EMP2: variants seen among roughly 807,000 people sequenced by gnomAD.
The protein encoded by EMP2 is epithelial membrane protein 2.
Under a neutral mutation model 13.7 loss-of-function variants are expected in EMP2, and 19 were observed. The ratio of observed to expected loss-of-function variants is 1.38; its 90% CI spans 0.97 to 2.03. The LOEUF is 2.03. Ranked by LOEUF, EMP2 falls within the 30% of genes most tolerant of loss-of-function variation. The pLI, the probability that EMP2 is intolerant of heterozygous loss-of-function variation, is 0.00. For missense variants in EMP2, 253 were observed against 220.7 expected (o/e 1.15, Z -0.93); for synonymous variants, 97 against 84.7 (o/e 1.15, Z -0.80).
chr16:10,574,360 C>T (rs191517884), intron 1 of EMP2, among the ~76,000 whole-genome samples: 5 of 152,194 alleles, frequency 3.3e-5, no homozygotes, highest in East Asian at 1.9e-4. Context: ...AATAATGCTC[C>T]GTGAGCATCC....
At chr16:10,579,708 GCACACA>G (rs71133370) in intron 1 of EMP2, among the ~76,000 whole-genome samples, 46,215 of 146,658 alleles carry the variant, frequency 0.32, 7,880 homozygotes, top group South Asian at 0.44. Context: ...AGATCAAGGT[GCACACA>G]CACACACACA....
At chr16:10,568,407 AG>A (rs1182234141) in intron 1 of EMP2, among the ~76,000 whole-genome samples, 1 of 152,212 alleles carries the variant, frequency 6.6e-6, no homozygotes, top group Non-Finnish European at 1.5e-5. Context: ...GTGTATTCAC[AG>A]GTGCCTCTCA....
At chr16:10,569,143 G>A (rs1323301157) in intron 1 of EMP2, among the ~76,000 whole-genome samples, 2 of 152,042 alleles carry the variant, frequency 1.3e-5, no homozygotes, top group South Asian at 2.1e-4. Flanking sequence ...AAATTCATTC[G>A]AAGCCTGCAC....
chr16:10,553,504 C>T (rs1055174821), intron 1 of EMP2, among the ~76,000 whole-genome samples: 18 of 152,068 alleles, frequency 1.2e-4, no homozygotes, highest in African/African-American at 4.3e-4. Context: ...TTCTCCTGGG[C>T]ATGGCTGCTC....
chr16:10,562,463 T>C (rs1318222395), intron 1 of EMP2, among the ~76,000 whole-genome samples: 2 of 151,272 alleles, frequency 1.3e-5, no homozygotes, highest in South Asian at 2.1e-4. Flanking sequence ...GAAGATAAGA[T>C]GCCACTTGGA....
chr16:10,564,747 C>T (rs1480677838), intron 1 of EMP2, among the ~76,000 whole-genome samples: 3 of 152,090 alleles, frequency 2.0e-5, no homozygotes, highest in Admixed American at 6.6e-5. Flanking sequence ...ACCACCAGGG[C>T]AGCCTCCAGG....
intron 1 of EMP2, among the ~76,000 whole-genome samples, chr16:10,557,148 G>A (rs1382458622): frequency 6.6e-6 from 1 of 152,170 alleles, no homozygotes; most frequent in East Asian, 1.9e-4. Context: ...CTTGAGGCCA[G>A]GAGTTCGAGA....
intron 1 of EMP2, among the ~76,000 whole-genome samples, chr16:10,574,001 G>GA (rs2050965701): frequency 8.0e-6 from 1 of 124,698 alleles, no homozygotes; most frequent in South Asian, 2.7e-4. Context: ...GCAGTGGCAT[G>GA]ATCTCGGCTC....
chr16:10,557,234 A>G (rs12922337), intron 1 of EMP2, among the ~76,000 whole-genome samples: 44,870 of 151,616 alleles, frequency 0.3, 8,177 homozygotes, highest in Non-Finnish European at 0.4. Flanking sequence ...GCAGATGCCT[A>G]TCGTCCCAGC....
chr16:10,568,018 C>T (rs936596455), intron 1 of EMP2, among the ~76,000 whole-genome samples: 5 of 152,302 alleles, frequency 3.3e-5, no homozygotes, highest in Admixed American at 6.5e-5. Context: ...ACCGTCTTGC[C>T]TCAGGAAGCC....
At chr16:10,572,792 T>A (rs2142211706) in intron 1 of EMP2, among the ~76,000 whole-genome samples, 1 of 152,252 alleles carries the variant, frequency 6.6e-6, no homozygotes, top group South Asian at 2.1e-4. Context: ...CCTACTGTCT[T>A]CAGAATGCAC....
chr16:10,572,466 G>C, intron 1 of EMP2, among the ~76,000 whole-genome samples: 1 of 151,832 alleles, frequency 6.6e-6, no homozygotes, highest in East Asian at 1.9e-4. Context: ...AAAGATTTAG[G>C]TTTCTCTTGA....
chr16:10,560,796 C>T (rs185273655), intron 1 of EMP2, among the ~76,000 whole-genome samples: 141 of 152,120 alleles, frequency 9.3e-4, no homozygotes, highest in African/African-American at 2.8e-3. Flanking sequence ...GCAAGGAGTT[C>T]GGGACGCCCC....
At position 10,532,751 on chromosome 16, in the gene EMP2, CTTTTTTCTTTTTTTTTTTT is replaced by C. The variant is rs2050614386; in HGVS notation, c.*135_*153del. 1.1e-3 allele frequency: 222 copies of C among 199,594 alleles called. 12 individuals are homozygous for C. In the African/African-American group the frequency reaches 0.016, roughly 14 times the overall value. 12.4% of individuals were successfully genotyped at this position (199,594 alleles called of 1,614,324 possible). On this transcript the variant is annotated 3_prime_UTR_variant, in exon 5 of 5. Coordinates refer to ENST00000359543, the MANE Select transcript of EMP2 (RefSeq NM_001424.6). ...CTTCTCTCTTTTGGATTTTTTTTTT[CTTTTTTCTTTTTTTTTTTT>C]TTTTTTTTTTTTTTTTGGCTTTTAA...
intron 1 of EMP2, among the ~76,000 whole-genome samples, chr16:10,562,914 G>C (rs777249204): frequency 6.6e-6 from 1 of 152,124 alleles, no homozygotes; most frequent in African/African-American, 2.4e-5. Context: ...TGTCATCCAA[G>C]GAGCTCCTAT....
At chr16:10,547,388 TG>T in intron 2 of EMP2, 151 bp downstream of exon 2, 1 of 802,768 alleles carries the variant, frequency 1.2e-6, no homozygotes, top group Non-Finnish European at 1.9e-6. Context: ...CCCAGACATG[TG>T]GAATTGTGAG....
At chr16:10,549,811 G>A (rs1014064843) in intron 1 of EMP2, among the ~76,000 whole-genome samples, 7 of 148,908 alleles carry the variant, frequency 4.7e-5, no homozygotes, top group Non-Finnish European at 8.9e-5. Context: ...ACAACTAAGT[G>A]CTTTAGTGTG....
At chr16:10,543,143 G>A (rs944514813) in intron 3 of EMP2, among the ~76,000 whole-genome samples, 8 of 152,198 alleles carry the variant, frequency 5.3e-5, no homozygotes, top group African/African-American at 1.2e-4. Flanking sequence ...ACTGAGCCCC[G>A]CCAGATCTCG....
At chr16:10,561,148 G>A (rs1157849174) in intron 1 of EMP2, among the ~76,000 whole-genome samples, 1 of 152,102 alleles carries the variant, frequency 6.6e-6, no homozygotes, top group African/African-American at 2.4e-5. Context: ...AGAAGCAGAA[G>A]CAACAGGACT....
Sources: allele counts gnomAD v4.1 joint callset (sites outside exome capture counted in the v4.1 genomes callset), GRCh38; gene constraint gnomAD v4.1.1; transcripts MANE v1.5; gene names NCBI Gene and HGNC (gene_info 2026-07-23, HGNC 2026-07-21).